Variants in AHSA1 observed in about 807,000 individuals in gnomAD.
The protein encoded by AHSA1 is activator of HSP90 ATPase activity 1, also known as activator of 90 kDa heat shock protein ATPase homolog 1.
In AHSA1, 14 loss-of-function variants were observed where a neutral mutation model predicts 46.1. The ratio of observed to expected loss-of-function variants is 0.30; its 90% CI spans 0.20 to 0.47. The LOEUF (loss-of-function observed/expected upper bound fraction) is 0.47. AHSA1 is among the 20% of genes least tolerant of loss of function. The pLI is 0.99. For synonymous variants in AHSA1, 147 were observed against 145.8 expected, an observed-to-expected ratio of 1.01 and a Z score of -0.06; for missense variants, 333 against 415.9, an observed-to-expected ratio of 0.80 and a Z score of 1.73.
chr14:77,458,958 T>C (rs2079005005), intron 1 of AHSA1, among the ~76,000 whole-genome samples: 1 of 152,254 alleles, frequency 6.6e-6, no homozygotes, highest in South Asian at 2.1e-4. Flanking sequence ...GTACCGTTAC[T>C]TTGTTGCAGC....
intron 4 of AHSA1, among the ~76,000 whole-genome samples, chr14:77,463,721 C>G (rs1035058451): frequency 5.9e-5 from 9 of 152,162 alleles, no homozygotes; most frequent in Admixed American, 4.6e-4. Context: ...TATGCACTCT[C>G]CAGGGATATT....
At position 77,469,443 on chromosome 14, in the gene AHSA1, A is replaced by G. The variant is rs928120243; in HGVS notation, c.*194A>G. Reference sequence around the variant, plus strand: ...AGGGCAATTTCTCTTTTATGTGTACATATGCTAAATAAACATAATTTAAAA... The same window carrying G: ...AGGGCAATTTCTCTTTTATGTGTACGTATGCTAAATAAACATAATTTAAAA... On this transcript the variant is annotated 3_prime_UTR_variant, in exon 9 of 9. Transcript: ENST00000216479. The G allele has an allele frequency of 1.5e-5, 8 of 535,740 alleles. No individual in the cohort carries two copies. The highest frequency in any genetic ancestry group is 2.6e-5 in the Non-Finnish European group (8 of 307,668). 33.2% of individuals were successfully genotyped at this position (535,740 alleles called of 1,614,324 possible). A position where few individuals can be genotyped will look rare whatever the true frequency, so the allele number is the denominator to read the frequency against.
At chr14:77,468,920 C>A in intron 8 of AHSA1, 157 bp from the exon 9 acceptor site, 2 of 773,138 alleles carry the variant, frequency 2.6e-6, no homozygotes, top group East Asian at 2.6e-5. Flanking sequence ...GTTAGCCAGG[C>A]TGGTCTGGAA....
chr14:77,461,849 T>C (rs2079026568), intron 2 of AHSA1, among the ~76,000 whole-genome samples: 1 of 152,256 alleles, frequency 6.6e-6, no homozygotes, highest in Admixed American at 6.5e-5. Flanking sequence ...AATTGATATT[T>C]TCAAAACAAG....
At position 77,465,502 on chromosome 14, in the gene AHSA1, T is replaced by C. The variant is rs1437021267; in HGVS notation, c.562-37T>C. 7 of 1,605,876 alleles carry C rather than the reference T, an allele frequency of 4.4e-6. No individual in the cohort carries two copies. In the East Asian group the frequency reaches 6.7e-5, roughly 15 times the overall value. The stretch of plus-strand genomic sequence containing the variant: ...GCCACGTTGATTGAGGTTGTATCAT[T>C]ACTCTGTATTGATCATTTTCACTGC... On this transcript the variant is annotated intron_variant, in intron 5 of 8. Coordinates refer to ENST00000216479, the MANE Select transcript of AHSA1 (RefSeq NM_012111.3).
At chr14:77,458,709 TGCA>T (rs2079002036) in intron 1 of AHSA1, among the ~76,000 whole-genome samples, 1 of 152,198 alleles carries the variant, frequency 6.6e-6, no homozygotes, top group Admixed American at 6.5e-5. Flanking sequence ...AGGGGACCGC[TGCA>T]GCGGTCCCGC....
intron 6 of AHSA1, among the ~76,000 whole-genome samples, chr14:77,466,815 T>C (rs2079049620): frequency 6.6e-6 from 1 of 152,258 alleles, no homozygotes; most frequent in African/African-American, 2.4e-5. Flanking sequence ...TGGTTCTACT[T>C]GGTGCCTGCT....
chr14:77,468,023 C>A (rs1397145254), intron 6 of AHSA1, 60 bp from the exon 7 acceptor site: 6 of 1,202,682 alleles, frequency 5.0e-6, no homozygotes, highest in African/African-American at 1.6e-5. Flanking sequence ...GTCCTTGGGT[C>A]CCACTGAAAG....
intron 6 of AHSA1, among the ~76,000 whole-genome samples, chr14:77,467,012 C>T (rs532626548): frequency 3.9e-5 from 6 of 152,292 alleles, no homozygotes; most frequent in East Asian, 1.9e-4. Flanking sequence ...ACCATGTATT[C>T]GTATTACCTA....
At chr14:77,467,649 G>A (rs1451346841) in intron 6 of AHSA1, among the ~76,000 whole-genome samples, 2 of 151,178 alleles carry the variant, frequency 1.3e-5, no homozygotes, top group South Asian at 2.1e-4. Flanking sequence ...AGCCGAGATC[G>A]CGCCACTGCA....
chr14:77,461,136 G>C (rs1341355876), intron 2 of AHSA1, among the ~76,000 whole-genome samples: 1 of 152,030 alleles, frequency 6.6e-6, no homozygotes, highest in African/African-American at 2.4e-5. Flanking sequence ...TCCAGCCTGG[G>C]CAACAGAGTG....
chr14:77,468,312 CA>C (rs1162751625), intron 7 of AHSA1, 128 bp downstream of exon 7: 8 of 1,133,666 alleles, frequency 7.1e-6, no homozygotes, highest in Admixed American at 2.6e-5. Flanking sequence ...TTTTGTTTTT[CA>C]AAAAAAGGCT....
At chr14:77,462,845 G>A in intron 4 of AHSA1, 86 bp downstream of exon 4, 2 of 1,127,896 alleles carry the variant, frequency 1.8e-6, no homozygotes, top group Non-Finnish European at 2.7e-6. Context: ...TCCTTTCTTT[G>A]GCAAATGGGT....
In AHSA1 at chr14:77,468,466, A is replaced by G. The variant is rs1226549783; in HGVS notation, c.802A>G (p.Lys268Glu). 1 of 1,613,458 alleles carries G rather than the reference A, an allele frequency of 6.2e-7. No homozygotes were observed. Among genetic ancestry groups the G allele is most frequent in the Non-Finnish European group, 8.5e-7 (1 of 1,179,564 alleles). The change falls in exon 8 of 9, where the codon AAA becomes GAA. Residue 268 changes from lysine (K) to glutamate (E), a missense_variant. By Grantham distance (56) the Lys-to-Glu change is moderately conservative. Transcript: ENST00000216479. ...SGEFTDLVPE[K>E]HIVMKWRFKS... ...TGTTTGATTATTTTAGGTCCCTGAG[A>G]AACATATTGTGATGAAGTGGAGGTT... is the stretch of plus-strand genomic sequence containing the variant.
intron 2 of AHSA1, among the ~76,000 whole-genome samples, chr14:77,461,024 T>G (rs560964311): frequency 2.0e-3 from 299 of 151,780 alleles, no homozygotes; most frequent in Non-Finnish European, 3.5e-3. Context: ...CCCGGCGTGG[T>G]GGCATGTGCC....
At chr14:77,467,700 T>A (rs867666896) in intron 6 of AHSA1, among the ~76,000 whole-genome samples, 2,308 of 118,976 alleles carry the variant, frequency 0.019, 56 homozygotes, top group African/African-American at 0.054. Flanking sequence ...TCTCAATAAA[T>A]AAAAAAATAA....
At chr14:77,459,415 C>G (rs1353817083) in intron 1 of AHSA1, among the ~76,000 whole-genome samples, 1 of 152,192 alleles carries the variant, frequency 6.6e-6, no homozygotes, top group African/African-American at 2.4e-5. Context: ...TTTTCTACAG[C>G]AGCTGTCTTT....
At chr14:77,469,053 C>T (rs748618822) in intron 8 of AHSA1, 24 bp from the exon 9 acceptor site, 6 of 1,612,116 alleles carry the variant, frequency 3.7e-6, no homozygotes, top group Non-Finnish European at 5.1e-6. Context: ...GATATGAAAC[C>T]TCCGTCCCCT....
At chr14:77,464,213 C>T (rs1208306794) in intron 4 of AHSA1, among the ~76,000 whole-genome samples, 1 of 152,088 alleles carries the variant, frequency 6.6e-6, no homozygotes, top group Non-Finnish European at 1.5e-5. Context: ...CCCGTCTCTA[C>T]TAAAAATACA....
Sources: allele counts gnomAD v4.1 joint callset (sites outside exome capture counted in the v4.1 genomes callset), GRCh38; gene constraint gnomAD v4.1.1; transcripts MANE v1.5; gene names NCBI Gene and HGNC (gene_info 2026-07-23, HGNC 2026-07-21).